Variants in POLK observed in about 807,000 individuals in gnomAD.
POLK encodes DNA polymerase kappa.
POLK carries 76 observed loss-of-function variants against 94.0 expected under a neutral mutation model. The observed-to-expected ratio is 0.81, with a 90% CI of 0.67 to 0.98. The LOEUF (loss-of-function observed/expected upper bound fraction) is 0.98, where lower values mean the gene tolerates loss of function less well. POLK is among the 50% of genes least tolerant of loss of function. The pLI is 0.00. For missense variants in POLK, 954 were observed against 1,010.1 expected (o/e 0.94, Z 0.75); for synonymous variants, 349 against 325.4 (o/e 1.07, Z -0.78).
At chr5:75,533,879 C>T (rs72633973) in intron 1 of POLK, among the ~76,000 whole-genome samples, 17,111 of 152,202 alleles carry the variant, frequency 0.11, 1,158 homozygotes, top group East Asian at 0.23. Context: ...CCTGATTTGG[C>T]TGTCAGCTTG....
intron 1 of POLK, chr5:75,512,940 C>T (rs1007930033): frequency 2.6e-5 from 4 of 152,264 alleles, no homozygotes; most frequent in Non-Finnish European, 5.9e-5. Context: ...CCAGCCTGGG[C>T]AACAAGGTAA....
chr5:75,538,308 T>C (rs1236073987), intron 1 of POLK, among the ~76,000 whole-genome samples: 1 of 152,224 alleles, frequency 6.6e-6, no homozygotes, highest in African/African-American at 2.4e-5. Flanking sequence ...TGGATCTCAT[T>C]AATTTAAAAA....
chr5:75,567,847 C>G (rs1039218852), intron 3 of POLK, among the ~76,000 whole-genome samples: 1 of 152,182 alleles, frequency 6.6e-6, no homozygotes, highest in African/African-American at 2.4e-5. Context: ...TAGAGCAACC[C>G]AGGTCATTCA....
chr5:75,583,091 T>A, intron 7 of POLK: 1 of 383,240 alleles, frequency 2.6e-6, no homozygotes, highest in Non-Finnish European at 4.6e-6. Context: ...GCTGCCACAA[T>A]GACTGTAACT....
At chr5:75,563,877 T>TG (rs999297163) in intron 3 of POLK, among the ~76,000 whole-genome samples, 3 of 152,212 alleles carry the variant, frequency 2.0e-5, no homozygotes, top group African/African-American at 7.2e-5. Context: ...CCTGTTGATT[T>TG]GGGGTGGAAA....
At chr5:75,526,619 T>C (rs1204369969) in intron 1 of POLK, among the ~76,000 whole-genome samples, 1 of 150,072 alleles carries the variant, frequency 6.7e-6, no homozygotes, top group African/African-American at 2.5e-5. Context: ...TCTCGCTCCG[T>C]CGCCCAGGCT....
intron 1 of POLK, among the ~76,000 whole-genome samples, chr5:75,535,544 T>C (rs1652315294): frequency 6.6e-6 from 1 of 152,230 alleles, no homozygotes; most frequent in African/African-American, 2.4e-5. Context: ...AAATATGTTT[T>C]CCAAGTTGCT....
chr5:75,559,520 TTTG>T lies in POLK; in HGVS notation c.255+6932_255+6934del, dbSNP rs1194848461. 2.1e-4 allele frequency among the ~76,000 whole-genome samples: 30 copies of T among 141,214 alleles called. 5 individuals are homozygous for T. The highest frequency in any genetic ancestry group is 4.6e-4 in the South Asian group (2 of 4,326). 92.6% of individuals were successfully genotyped at this position (141,214 alleles called of 152,430 possible). A position where few individuals can be genotyped will look rare whatever the true frequency, so the allele number is the denominator to read the frequency against. Reference sequence around the variant, plus strand: ...TTTGGGGTTTGTTTTTTTGTTTTGTTTTGTTTTTTTTTTTTTTTTTTTTTTTTT... The same window carrying T: ...TTTGGGGTTTGTTTTTTTGTTTTGTTTTTTTTTTTTTTTTTTTTTTTTTTT... On this transcript the variant is annotated intron_variant, in intron 3 of 14. Transcript: ENST00000241436.
intron 4 of POLK, among the ~76,000 whole-genome samples, chr5:75,571,456 G>C (rs1771594107): frequency 6.6e-6 from 1 of 152,156 alleles, no homozygotes; most frequent in South Asian, 2.1e-4. Context: ...TCATGATTCT[G>C]TAATTTGAGC....
intron 3 of POLK, among the ~76,000 whole-genome samples, chr5:75,560,706 C>A (rs907285768): frequency 4.6e-5 from 7 of 152,070 alleles, no homozygotes; most frequent in African/African-American, 1.2e-4. Flanking sequence ...GTGTGATATT[C>A]CCCTCCCTGT....
At chr5:75,555,180 G>A (rs550274051) in intron 3 of POLK, among the ~76,000 whole-genome samples, 5 of 152,126 alleles carry the variant, frequency 3.3e-5, no homozygotes, top group Admixed American at 3.3e-4. Flanking sequence ...TTTATATTAG[G>A]GTTCAATATT....
chr5:75,569,121 T>A (rs1401201652), intron 3 of POLK, among the ~76,000 whole-genome samples: 1 of 152,066 alleles, frequency 6.6e-6, no homozygotes, highest in Non-Finnish European at 1.5e-5. Context: ...TAAACACTTA[T>A]AAACAATAAT....
At chr5:75,596,598 T>C (rs764201674) in exon 13 of POLK, 8 of 1,613,904 alleles carry the variant, frequency 5.0e-6, no homozygotes, top group East Asian at 2.2e-5. Context: ...GGTGCATCAG[T>C]CTGGAAGCCT....
upstream of POLK, chr5:75,511,395 C>G (rs1015594737): frequency 1.9e-6 from 3 of 1,546,060 alleles, no homozygotes; most frequent in African/African-American, 1.4e-5. Flanking sequence ...CCGAGCGGAG[C>G]GAGGAAGGAG....
chr5:75,523,215 A>T (rs1768669443), intron 1 of POLK, among the ~76,000 whole-genome samples: 1 of 152,156 alleles, frequency 6.6e-6, no homozygotes, highest in South Asian at 2.1e-4. Flanking sequence ...AGAAAATATT[A>T]TATATGATGT....
At chr5:75,605,055 C>A (rs1773385752), downstream of POLK, among the ~76,000 whole-genome samples, 1 of 151,726 alleles carries the variant, frequency 6.6e-6, no homozygotes, top group African/African-American at 2.4e-5. Context: ...GCAAATGGTA[C>A]TAACCCTTCT....
chr5:75,554,274 T>A (rs1422441766), intron 3 of POLK, among the ~76,000 whole-genome samples: 2 of 152,116 alleles, frequency 1.3e-5, no homozygotes, highest in African/African-American at 4.8e-5. Context: ...CCTAAAGCAA[T>A]GTTTTTTGCC....
chr5:75,530,396 C>CTTTTTTTTTTTTTTTTTTTTTT (rs201266079), intron 1 of POLK, among the ~76,000 whole-genome samples: 1 of 61,626 alleles, frequency 1.6e-5, no homozygotes, highest in Non-Finnish European at 3.2e-5. Context: ...TTCCCTTTTT[C>CTTTTTTTTTTTTTTTTTTTTTT]TTTTTTTTTT....
At chr5:75,602,522 A>G (rs1329969513), downstream of POLK, among the ~76,000 whole-genome samples, 1 of 152,172 alleles carries the variant, frequency 6.6e-6, no homozygotes, top group African/African-American at 2.4e-5. Context: ...TTAACCCTTT[A>G]CTGCATTAAT....
Sources: gnomAD v4.1 joint callset for allele counts (sites outside exome capture counted in the v4.1 genomes callset) on GRCh38, gnomAD v4.1.1 for gene constraint, MANE v1.5 for transcripts, NCBI Gene and HGNC (gene_info 2026-07-23, HGNC 2026-07-21) for gene names.